MITF: variants seen among roughly 807,000 people sequenced by gnomAD.
MITF encodes the protein microphthalmia-associated transcription factor.
Under a neutral mutation model 60.5 loss-of-function variants are expected in MITF, and 17 were observed. That is an observed-to-expected ratio of 0.28 (90% CI 0.19 to 0.42). The LOEUF is 0.42. Among genes scored for constraint, MITF ranks in the 10% least tolerant of loss-of-function variants. The pLI is 1.00. For missense variants in MITF, 622 were observed against 683.5 expected (o/e 0.91, Z 1.00); for synonymous variants, 260 against 248.5 (o/e 1.05, Z -0.43).
intron 1 of MITF, among the ~76,000 whole-genome samples, chr3:69,817,660 GA>G (rs1324329559): frequency 1.3e-5 from 2 of 151,688 alleles, no homozygotes; most frequent in East Asian, 1.9e-4. Context: ...TATTATTTCT[GA>G]AAAAAAATGA....
intron 1 of MITF, among the ~76,000 whole-genome samples, chr3:69,753,717 G>T (rs528496987): frequency 1.3e-5 from 2 of 152,348 alleles, no homozygotes; most frequent in African/African-American, 4.8e-5. Context: ...CTTAATGACT[G>T]CCCTGCTGGG....
chr3:69,741,820 G>A (rs112195631), intron 1 of MITF, among the ~76,000 whole-genome samples: 216 of 152,280 alleles, frequency 1.4e-3, no homozygotes, highest in African/African-American at 4.9e-3. Flanking sequence ...TATTGTCGTC[G>A]ACATCTGTTG....
chr3:69,809,928 C>T (rs1362898797), intron 1 of MITF, among the ~76,000 whole-genome samples: 2 of 152,158 alleles, frequency 1.3e-5, no homozygotes, highest in Non-Finnish European at 2.9e-5. Context: ...TGAATCTTGA[C>T]AAATTATGAA....
At chr3:69,873,393 T>C (rs964357405) in intron 1 of MITF, among the ~76,000 whole-genome samples, 1 of 152,200 alleles carries the variant, frequency 6.6e-6, no homozygotes, top group African/African-American at 2.4e-5. Context: ...CCAACTCTTA[T>C]TTGTGCAGTT....
intron 1 of MITF, among the ~76,000 whole-genome samples, chr3:69,809,108 T>C (rs950202874): frequency 6.6e-6 from 1 of 152,144 alleles, no homozygotes; most frequent in African/African-American, 2.4e-5. Flanking sequence ...CAGACTCTTA[T>C]GGTGAAGGAA....
At chr3:69,763,417 T>C in intron 1 of MITF, 1 of 606,626 alleles carries the variant, frequency 1.6e-6, no homozygotes, top group Non-Finnish European at 2.2e-6. Context: ...AAAGTCTATT[T>C]TACCTTTTAT....
At chr3:69,916,566 T>A (rs116466819) in intron 2 of MITF, among the ~76,000 whole-genome samples, 1 of 152,228 alleles carries the variant, frequency 6.6e-6, no homozygotes, top group Non-Finnish European at 1.5e-5. Flanking sequence ...AAACATTTTA[T>A]GTAGGCAAGC....
intron 1 of MITF, among the ~76,000 whole-genome samples, chr3:69,825,662 G>A (rs2107070786): frequency 6.6e-6 from 1 of 152,248 alleles, no homozygotes; most frequent in Non-Finnish European, 1.5e-5. Flanking sequence ...GAATCCTGCA[G>A]CAGTATGATA....
chr3:69,806,728 C>G (rs1044722527), intron 1 of MITF, among the ~76,000 whole-genome samples: 7 of 152,156 alleles, frequency 4.6e-5, no homozygotes, highest in African/African-American at 1.4e-4. Context: ...CCGGCGAGGA[C>G]AGTGCTATCC....
intron 1 of MITF, among the ~76,000 whole-genome samples, chr3:69,776,613 G>T (rs1445276553): frequency 6.6e-6 from 1 of 152,158 alleles, no homozygotes; most frequent in Non-Finnish European, 1.5e-5. Context: ...AGAAGTCTGG[G>T]TCTTGCAGAC....
At chr3:69,820,192 T>C (rs2063246432) in intron 1 of MITF, among the ~76,000 whole-genome samples, 2 of 152,242 alleles carry the variant, frequency 1.3e-5, no homozygotes, top group Non-Finnish European at 2.9e-5. Flanking sequence ...AATAAGGTAG[T>C]AAAATTGACT....
chr3:69,935,621 A>G (rs2065815668), intron 2 of MITF, among the ~76,000 whole-genome samples: 1 of 152,220 alleles, frequency 6.6e-6, no homozygotes, highest in Admixed American at 6.5e-5. Context: ...CTGGGCATTT[A>G]GACAACATTA....
At chr3:69,912,821 C>T (rs2065253327) in intron 2 of MITF, among the ~76,000 whole-genome samples, 1 of 152,184 alleles carries the variant, frequency 6.6e-6, no homozygotes, top group Admixed American at 6.5e-5. Flanking sequence ...CTTTGGCCAA[C>T]TATCCTCTAC....
At chr3:69,883,600 A>G (rs970997793) in intron 2 of MITF, among the ~76,000 whole-genome samples, 1 of 152,302 alleles carries the variant, frequency 6.6e-6, no homozygotes, top group South Asian at 2.1e-4. Flanking sequence ...ACAGATTGGC[A>G]AAAGGGACTT....
intron 1 of MITF, among the ~76,000 whole-genome samples, chr3:69,740,334 A>G (rs1014783397): frequency 2.6e-5 from 4 of 151,940 alleles, no homozygotes; most frequent in African/African-American, 9.7e-5. Flanking sequence ...CCCCTTGTTC[A>G]AGTTAAACTC....
chr3:69,934,183 C>T (rs761827155), intron 2 of MITF, among the ~76,000 whole-genome samples: 16 of 152,094 alleles, frequency 1.1e-4, no homozygotes, highest in Non-Finnish European at 2.1e-4. Flanking sequence ...GTATCTAAGA[C>T]CCTTGCAGGA....
At chr3:69,892,922 C>T (rs1482433653) in intron 2 of MITF, among the ~76,000 whole-genome samples, 2 of 152,188 alleles carry the variant, frequency 1.3e-5, no homozygotes, top group Non-Finnish European at 2.9e-5. Context: ...TGCCTGAAGG[C>T]AGTATATCCA....
chr3:69,807,648 C>CT (rs2063031246), intron 1 of MITF, among the ~76,000 whole-genome samples: 1 of 152,208 alleles, frequency 6.6e-6, no homozygotes, highest in African/African-American at 2.4e-5. Context: ...AGGCAAAACA[C>CT]TTTTTGTTGA....
chr3:69,955,559 A>T (rs2066375484), intron 7 of MITF, among the ~76,000 whole-genome samples: 1 of 152,252 alleles, frequency 6.6e-6, no homozygotes, highest in South Asian at 2.1e-4. Context: ...CACACCTGTA[A>T]TCCCAGCACT....
Sources: gnomAD v4.1 joint callset for allele counts (sites outside exome capture counted in the v4.1 genomes callset) on GRCh38, gnomAD v4.1.1 for gene constraint, MANE v1.5 for transcripts, NCBI Gene and HGNC (gene_info 2026-07-23, HGNC 2026-07-21) for gene names.